DMXL2: variants seen among roughly 807,000 people sequenced by gnomAD.
DMXL2 encodes the protein Dmx like 2, also known as dmX-like protein 2.
In DMXL2, 103 loss-of-function variants were observed where a neutral mutation model predicts 331.1. The observed-to-expected ratio is 0.31, with a 90% CI of 0.27 to 0.37. DMXL2 has a LOEUF of 0.37. DMXL2 is among the 10% of genes least tolerant of loss of function. The probability of loss-of-function intolerance (pLI) is 1.00; values close to 1 mark genes in which losing one functional copy is unlikely to be tolerated. For synonymous variants in DMXL2, 1,281 were observed against 1,252.1 expected, an observed-to-expected ratio of 1.02 and a Z score of -0.49; for missense variants, 3,171 against 3,642.9, an observed-to-expected ratio of 0.87 and a Z score of 3.33.
Position 51,465,607 on chromosome 15 carries a change from T to C in DMXL2, c.7565A>G (p.Asn2522Ser), listed in dbSNP as rs774081788. The C allele has an allele frequency of 4.7e-5, 76 of 1,607,838 alleles. No individual in the cohort carries two copies. Among genetic ancestry groups the C allele is most frequent in the Non-Finnish European group, 6.2e-5 (73 of 1,178,144 alleles). The part of the protein sequence containing the change: ...HLTMVKLALH[N>S]VKNFFPIAGL... ...AGCAATAGGAAAGAAATTCTTGACA[T>C]TGTGAAGTGCTAGTTTAACCATTGT... Residue 2522 changes from asparagine to serine, a missense_variant, in exon 31 of 44, where the codon AAT becomes AGT. By Grantham distance (46) the Asn-to-Ser change is conservative. This residue lies in a region of DMXL2 where 766 missense variants were observed against 940.5 expected (regional missense o/e 0.81). Transcript: ENST00000560891.
chr15:51,605,021 A>C (rs2053482136), intron 1 of DMXL2, among the ~76,000 whole-genome samples: 2 of 148,480 alleles, frequency 1.3e-5, no homozygotes, highest in South Asian at 4.3e-4. Context: ...TGGTGTTGGA[A>C]CAACTGGATG....
chr15:51,577,864 G>A (rs908165354), intron 1 of DMXL2, among the ~76,000 whole-genome samples: 1 of 152,130 alleles, frequency 6.6e-6, no homozygotes, highest in African/African-American at 2.4e-5. Context: ...ATGGTAAAAT[G>A]AAGCAAATAA....
At chr15:51,585,470 C>A (rs1362481443) in intron 1 of DMXL2, among the ~76,000 whole-genome samples, 1 of 151,994 alleles carries the variant, frequency 6.6e-6, no homozygotes, top group African/African-American at 2.4e-5. Flanking sequence ...GTGGCTTTGC[C>A]ATAATTAATT....
intron 19 of DMXL2, 143 bp downstream of exon 19, chr15:51,494,881 G>A (rs1240763311): frequency 9.7e-6 from 5 of 515,854 alleles, no homozygotes; most frequent in African/African-American, 2.0e-5. Context: ...TGGTAAGTGG[G>A]TACTATGTGA....
intron 1 of DMXL2, among the ~76,000 whole-genome samples, chr15:51,609,255 A>G (rs934589529): frequency 6.6e-6 from 1 of 152,272 alleles, no homozygotes; most frequent in African/African-American, 2.4e-5. Flanking sequence ...ACAAATAAAA[A>G]GCACATAGTA....
chr15:51,479,529 C>G (rs1269046198), intron 25 of DMXL2, among the ~76,000 whole-genome samples: 3 of 152,126 alleles, frequency 2.0e-5, no homozygotes, highest in East Asian at 1.9e-4. Flanking sequence ...ACCAAGGAAA[C>G]AGTAATAAGG....
At chr15:51,594,781 A>C (rs932538576) in intron 1 of DMXL2, among the ~76,000 whole-genome samples, 25 of 152,238 alleles carry the variant, frequency 1.6e-4, no homozygotes, top group Non-Finnish European at 3.2e-4. Context: ...AATAAATGTA[A>C]TCCAGCATAT....
chr15:51,587,264 C>A (rs2051914385), intron 1 of DMXL2, among the ~76,000 whole-genome samples: 1 of 152,142 alleles, frequency 6.6e-6, no homozygotes, highest in African/African-American at 2.4e-5. Context: ...GTGTGCTGCA[C>A]CCATTAACTC....
chr15:51,452,344 T>G (rs1424668379), intron 41 of DMXL2, among the ~76,000 whole-genome samples: 1 of 151,746 alleles, frequency 6.6e-6, no homozygotes, highest in Non-Finnish European at 1.5e-5. Context: ...ACCTGCAGAG[T>G]GGGAGAAAAT....
At chr15:51,542,945 C>A (rs763212131) in intron 8 of DMXL2, among the ~76,000 whole-genome samples, 6 of 151,944 alleles carry the variant, frequency 3.9e-5, no homozygotes, top group Non-Finnish European at 8.8e-5. Context: ...TTCATGATAT[C>A]TATTACAAAG....
At chr15:51,489,998 G>GTC (rs1188639312) in intron 20 of DMXL2, among the ~76,000 whole-genome samples, 1 of 152,160 alleles carries the variant, frequency 6.6e-6, no homozygotes, top group African/African-American at 2.4e-5. Context: ...TTCAGATAAA[G>GTC]TATGTCCTCT....
At chr15:51,590,355 A>T (rs2052199804) in intron 1 of DMXL2, among the ~76,000 whole-genome samples, 1 of 152,236 alleles carries the variant, frequency 6.6e-6, no homozygotes, top group Non-Finnish European at 1.5e-5. Context: ...AATAGACCCA[A>T]CACAAAAAGA....
intron 31 of DMXL2, among the ~76,000 whole-genome samples, chr15:51,465,168 G>A (rs1047873955): frequency 6.6e-6 from 1 of 152,160 alleles, no homozygotes; most frequent in Non-Finnish European, 1.5e-5. Flanking sequence ...GGCCAAGGCA[G>A]GTGGATCGTT....
intron 33 of DMXL2, 79 bp downstream of exon 33, chr15:51,463,300 A>G (rs2040288201): frequency 1.1e-6 from 1 of 888,606 alleles, no homozygotes; most frequent in African/African-American, 1.8e-5. Context: ...ATTTCAGAAT[A>G]AATCAAGCAC....
At chr15:51,593,801 G>A (rs1358230244) in intron 1 of DMXL2, among the ~76,000 whole-genome samples, 1 of 152,190 alleles carries the variant, frequency 6.6e-6, no homozygotes, top group African/African-American at 2.4e-5. Context: ...TCAACAACCT[G>A]CTCCTGAATG....
At position 51,453,411 on chromosome 15, in the gene DMXL2, CTG is replaced by C. The variant is rs76051381; in HGVS notation, c.8696+137_8696+138del. ...TCTCTTTTTGGTAAGAAAAAACACT[CTG>C]AAATAAGAATTATGTAACAAAGTTT... On this transcript the variant is annotated intron_variant, in intron 41 of 43. Coordinates refer to ENST00000560891, the MANE Select transcript of DMXL2 (RefSeq NM_001378457.1). 0.16 allele frequency: 91,207 copies of C among 554,548 alleles called. 8,418 individuals carry two copies. Among genetic ancestry groups the C allele is most frequent in the Middle Eastern group, 0.2 (420 of 2,150 alleles). 34.4% of individuals were successfully genotyped at this position (554,548 alleles called of 1,614,324 possible). A position where few individuals can be genotyped will look rare whatever the true frequency, so the allele number is the denominator to read the frequency against.
chr15:51,610,759 C>T (rs534250009), intron 1 of DMXL2, among the ~76,000 whole-genome samples: 4 of 136,152 alleles, frequency 2.9e-5, no homozygotes, highest in South Asian at 2.4e-4. Flanking sequence ...CAGAGCGAGA[C>T]TCCATCTCAA....
chr15:51,457,425 T>C lies in DMXL2; in HGVS notation c.8240A>G (p.Tyr2747Cys), dbSNP rs368299378. 1.3e-5 allele frequency: 21 copies of C among 1,614,074 alleles called. No homozygotes were observed. The African/African-American group carries it at 2.0e-4, about 15-fold the overall frequency. ...VDYRGSTTTL[Y>C]QPSATSYSAS... ...TGAATAGGATGTTGCACTGGGTTGA[T>C]AAAGAGTTGTAGTGGAACCACGATA... The change falls in exon 37 of 44, where the codon TAT becomes TGT. Residue 2747 changes from tyrosine to cysteine, a missense_variant. Physicochemically the swap from Tyr to Cys is radical, Grantham distance 194. Coordinates refer to ENST00000560891, the MANE Select transcript of DMXL2 (RefSeq NM_001378457.1).
At chr15:51,597,430 T>C (rs1432243180) in intron 1 of DMXL2, among the ~76,000 whole-genome samples, 2 of 152,234 alleles carry the variant, frequency 1.3e-5, no homozygotes, top group Non-Finnish European at 1.5e-5. Flanking sequence ...GGAATCATAC[T>C]GTATGCTTTT....
Sources: allele counts gnomAD v4.1 joint callset (sites outside exome capture counted in the v4.1 genomes callset), GRCh38; gene constraint gnomAD v4.1.1; regional missense constraint gnomAD v4.1.1; transcripts MANE v1.5; gene names NCBI Gene and HGNC (gene_info 2026-07-23, HGNC 2026-07-21).